The following PBRM1 variants were observed in gnomAD, a reference collection of about 807,000 sequenced individuals.
PBRM1 encodes protein polybromo-1.
A neutral mutation model predicts 194.5 loss-of-function variants in PBRM1; 27 were observed. The observed-to-expected ratio is 0.14, with a 90% CI of 0.10 to 0.19. The LOEUF is 0.19. PBRM1 is among the 10% of genes least tolerant of loss of function. The probability of loss-of-function intolerance (pLI) is 1.00; values close to 1 mark genes in which losing one functional copy is unlikely to be tolerated. For synonymous variants in PBRM1, 655 were observed against 693.2 expected (o/e 0.94, Z 0.87); for missense variants, 1,466 against 2,077.2 (o/e 0.71, Z 5.72).
intron 13 of PBRM1, among the ~76,000 whole-genome samples, chr3:52,620,482 T>C (rs1202345606): frequency 6.6e-6 from 1 of 152,236 alleles, no homozygotes; most frequent in East Asian, 1.9e-4. Flanking sequence ...CATTCCCATC[T>C]GGGTTTCAGC....
chr3:52,587,546 G>T, intron 18 of PBRM1, 36 bp from the exon 21 acceptor site: 2 of 1,293,956 alleles, frequency 1.5e-6, no homozygotes, highest in Non-Finnish European at 2.2e-6. Flanking sequence ...GGAAGAGAAA[G>T]AGAATCATTG....
At chr3:52,630,662 C>T (rs896689967) in intron 11 of PBRM1, among the ~76,000 whole-genome samples, 2 of 152,208 alleles carry the variant, frequency 1.3e-5, no homozygotes, top group Non-Finnish European at 2.9e-5. Flanking sequence ...AAGGCAGCAA[C>T]ATTAGACATA....
chr3:52,627,409 C>T (rs374496001), intron 12 of PBRM1, 39 bp from the exon 14 acceptor site: 1 of 1,178,542 alleles, frequency 8.5e-7, no homozygotes, highest in Non-Finnish European at 1.3e-6. Flanking sequence ...GCTCATGTGC[C>T]AAACACTCCT....
chr3:52,576,119 G>GT (rs2089520908), intron 22 of PBRM1, among the ~76,000 whole-genome samples: 1 of 152,062 alleles, frequency 6.6e-6, no homozygotes, highest in Non-Finnish European at 1.5e-5. Context: ...CCAACGTTAA[G>GT]TATAATGGGA....
At chr3:52,629,990 A>T (rs2095565577) in intron 11 of PBRM1, among the ~76,000 whole-genome samples, 1 of 152,184 alleles carries the variant, frequency 6.6e-6, no homozygotes, top group Non-Finnish European at 1.5e-5. Context: ...GACAAAGCAA[A>T]CAACAACTAA....
rs1309729243 is a variant in PBRM1 at position 52,643,245 on chromosome 3, C to T, written c.995+3G>A. On this transcript the variant is annotated splice_donor_region_variant and intron_variant, in intron 9 of 29. Coordinates refer to ENST00000296302, the Ensembl canonical transcript of PBRM1. Reference sequence around the variant, plus strand: ...CTCTCAGACTAAACACTCTTTTTCTCACCGGTAATACTTGCTAGTGGGATT... The same window carrying T: ...CTCTCAGACTAAACACTCTTTTTCTTACCGGTAATACTTGCTAGTGGGATT... The T allele has an allele frequency of 6.2e-7, 1 of 1,600,062 alleles. No individual in the cohort carries two copies. Among genetic ancestry groups the T allele is most frequent in the Non-Finnish European group, 8.6e-7 (1 of 1,167,318 alleles).
At chr3:52,655,143 TACACTC>T (rs2096585557) in intron 5 of PBRM1, among the ~76,000 whole-genome samples, 1 of 152,070 alleles carries the variant, frequency 6.6e-6, no homozygotes, top group Non-Finnish European at 1.5e-5. Flanking sequence ...TGGCATGAGG[TACACTC>T]ACACTGCTGT....
rs1197751869 is a variant in PBRM1, at chr3:52,647,465, T to A, written c.813+879A>T. Among the ~76,000 whole-genome samples, 250 of 62,850 alleles carry A rather than the reference T, an allele frequency of 4.0e-3. 2 individuals carry two copies. Among genetic ancestry groups the A allele is most frequent in the Middle Eastern group, 9.3e-3 (1 of 108 alleles). The allele number at this position is 62,850 out of a possible 152,430, so 41.2% of individuals were successfully genotyped here. ...AAAAAAAAAAAAAAAAAAATATATA[T>A]ATATATATATATATATATATATATG... On this transcript the variant is annotated intron_variant, in intron 7 of 29. Transcript: ENST00000296302.
intron 2 of PBRM1, among the ~76,000 whole-genome samples, chr3:52,671,999 G>T (rs2096958927): frequency 6.6e-6 from 1 of 152,134 alleles, no homozygotes; most frequent in Admixed American, 6.5e-5. Flanking sequence ...AAACTTCAGG[G>T]CTTAAAACAA....
At chr3:52,561,476 T>G (rs2083512959) in intron 25 of PBRM1, among the ~76,000 whole-genome samples, 1 of 152,204 alleles carries the variant, frequency 6.6e-6, no homozygotes, top group South Asian at 2.1e-4. Flanking sequence ...ACATGTGTGC[T>G]TACAGGGCTC....
At chr3:52,647,682 G>A (rs1236055166) in intron 7 of PBRM1, among the ~76,000 whole-genome samples, 1 of 151,614 alleles carries the variant, frequency 6.6e-6, no homozygotes, top group African/African-American at 2.4e-5. Flanking sequence ...GCTACAAAAT[G>A]GATAAACCCT....
intron 4 of PBRM1, among the ~76,000 whole-genome samples, chr3:52,659,543 T>C (rs910326178): frequency 9.2e-5 from 14 of 152,100 alleles, no homozygotes; most frequent in African/African-American, 3.4e-4. Flanking sequence ...CACATCAGTT[T>C]TTCAAGTAGC....
At chr3:52,562,625 C>A (rs1432347514) in intron 24 of PBRM1, among the ~76,000 whole-genome samples, 2 of 150,878 alleles carry the variant, frequency 1.3e-5, no homozygotes, top group Non-Finnish European at 2.9e-5. Flanking sequence ...CTCACTGCAG[C>A]CTTGATCTCC....
chr3:52,617,629 T>C (rs2095033413), intron 13 of PBRM1, 91 bp from the exon 16 acceptor site: 3 of 877,258 alleles, frequency 3.4e-6, no homozygotes, highest in Non-Finnish European at 5.2e-6. Flanking sequence ...AAATTATTTA[T>C]GGTGCTTTAT....
chr3:52,638,361 C>CTT (rs377016839), intron 10 of PBRM1, among the ~76,000 whole-genome samples: 3 of 141,516 alleles, frequency 2.1e-5, no homozygotes, highest in East Asian at 2.0e-4. Context: ...TCATTTTATT[C>CTT]TTTTTTTTTT....
At chr3:52,651,016 A>T (rs2096477760) in intron 6 of PBRM1, among the ~76,000 whole-genome samples, 1 of 152,244 alleles carries the variant, frequency 6.6e-6, no homozygotes, top group South Asian at 2.1e-4. Flanking sequence ...GTCTGGATTC[A>T]AATCCTAGTT....
At chr3:52,614,775 T>G (rs1230050788) in intron 15 of PBRM1, among the ~76,000 whole-genome samples, 1 of 152,122 alleles carries the variant, frequency 6.6e-6, no homozygotes. Flanking sequence ...TTCACCATGT[T>G]GGCCGGGCTG....
exon 25 of PBRM1, chr3:52,561,967 G>C (rs2153495415): frequency 6.2e-7 from 1 of 1,612,196 alleles, no homozygotes; most frequent in Non-Finnish European, 8.5e-7. Context: ...CTTTGGGGTA[G>C]ACTGTAAGAC....
chr3:52,629,065 T>C (rs1330630902), intron 11 of PBRM1, 30 bp from the exon 13 acceptor site: 1 of 1,550,542 alleles, frequency 6.4e-7, no homozygotes, highest in South Asian at 1.2e-5. Context: ...TGCTAGAATT[T>C]TCTGTCATGA....
Sources: allele counts gnomAD v4.1 joint callset (sites outside exome capture counted in the v4.1 genomes callset), GRCh38; gene constraint gnomAD v4.1.1; transcripts MANE v1.5; gene names NCBI Gene and HGNC (gene_info 2026-07-23, HGNC 2026-07-21).